The following PCLO variants were observed in gnomAD, a reference collection of about 807,000 sequenced individuals.
PCLO encodes protein piccolo.
In PCLO, 82 loss-of-function variants were observed where a neutral mutation model predicts 427.5. The ratio of observed to expected loss-of-function variants is 0.19; its 90% confidence interval spans 0.16 to 0.23. PCLO has a LOEUF of 0.23. PCLO is among the 10% of genes least tolerant of loss of function. PCLO has a pLI of 1.00. For synonymous variants in PCLO, 2,357 were observed against 2,155.4 expected, an observed-to-expected ratio of 1.09 and a Z score of -2.59; for missense variants, 6,239 against 6,115.9, an observed-to-expected ratio of 1.02 and a Z score of -0.67.
intron 3 of PCLO, among the ~76,000 whole-genome samples, chr7:83,114,848 C>T (rs954530352): frequency 4.6e-5 from 7 of 151,970 alleles, no homozygotes; most frequent in Admixed American, 4.6e-4. Context: ...AGTCATGAAA[C>T]CTATTCAATC....
chr7:82,902,684 T>C lies in PCLO; in HGVS notation c.13495A>G (p.Ile4499Val), dbSNP rs182078347. 3.4e-4 allele frequency: 546 copies of C among 1,599,600 alleles called. 12 individuals carry two copies. The Admixed American group carries it at 8.4e-3, about 24-fold the overall frequency. The change falls in exon 9 of 25, where the codon ATA becomes GTA. Residue 4499 changes from isoleucine (I) to valine (V), a missense_variant. This residue lies in a region of PCLO where 877 missense variants were observed against 925.5 expected (regional missense o/e 0.95). Transcript: ENST00000333891. ...GTGTGATCCTTTGAGTCTCTTGTTATTTTTATCCTTGCGTGAGGAAAGATG... is the reference window on the plus strand; with the variant it reads ...GTGTGATCCTTTGAGTCTCTTGTTACTTTTATCCTTGCGTGAGGAAAGATG... ...HYIFPHARIK[I>V]TRDSKDHTVS... is the part of the protein sequence containing the mutation.
At chr7:82,771,401 TAA>T (rs984089507) in intron 22 of PCLO, among the ~76,000 whole-genome samples, 2 of 151,340 alleles carry the variant, frequency 1.3e-5, no homozygotes, top group African/African-American at 4.8e-5. Flanking sequence ...GGTTTTCAAG[TAA>T]AAAAAAATTT....
chr7:82,784,272 C>A (rs559837395), intron 22 of PCLO, among the ~76,000 whole-genome samples: 1 of 152,208 alleles, frequency 6.6e-6, no homozygotes, highest in East Asian at 1.9e-4. Context: ...ACCTACCATT[C>A]TCTCCACTGC....
chr7:82,827,535 T>C lies in PCLO; in HGVS notation c.14343+338A>G, dbSNP rs535612073. Reference sequence around the variant, plus strand: ...TGTATTGTGTATGAAAGTCAAAATATAGCCAGTTGGAAAATGTGTTTCTCT... The same window carrying C: ...TGTATTGTGTATGAAAGTCAAAATACAGCCAGTTGGAAAATGTGTTTCTCT... On this transcript the variant is annotated intron_variant, in intron 17 of 24. Transcript: ENST00000333891. Among the ~76,000 whole-genome samples, 98 of 152,178 alleles carry C rather than the reference T, an allele frequency of 6.4e-4. 1 individual carries two copies. In the South Asian group the frequency reaches 0.02, roughly 31 times the overall value.
At chr7:82,867,662 A>G (rs141126964) in intron 10 of PCLO, among the ~76,000 whole-genome samples, 272 of 152,328 alleles carry the variant, frequency 1.8e-3, no homozygotes, top group Middle Eastern at 3.4e-3. Context: ...TTATGAAGCA[A>G]TATCACTGAA....
intron 3 of PCLO, among the ~76,000 whole-genome samples, chr7:83,096,860 A>T (rs1165645505): frequency 1.2e-5 from 1 of 83,178 alleles, no homozygotes; most frequent in African/African-American, 6.0e-5. Context: ...TATATATAAA[A>T]ATATATTATA....
intron 6 of PCLO, among the ~76,000 whole-genome samples, chr7:82,945,134 GGAGTA>G (rs997625434): frequency 2.0e-4 from 30 of 151,618 alleles, no homozygotes; most frequent in African/African-American, 7.0e-4. Flanking sequence ...TTTTTTCTGT[GGAGTA>G]AAGTGAAAGA....
intron 3 of PCLO, among the ~76,000 whole-genome samples, chr7:82,967,304 T>C (rs1402351431): frequency 1.3e-5 from 2 of 151,108 alleles, no homozygotes; most frequent in African/African-American, 4.9e-5. Flanking sequence ...GCCTCCTGAG[T>C]ACCTGGGATT....
intron 3 of PCLO, among the ~76,000 whole-genome samples, chr7:83,080,124 A>G (rs1790058950): frequency 6.6e-6 from 1 of 152,110 alleles, no homozygotes; most frequent in Non-Finnish European, 1.5e-5. Context: ...TCTATCATTG[A>G]TGGGCATTTG....
intron 13 of PCLO, among the ~76,000 whole-genome samples, chr7:82,845,029 C>T (rs1220015090): frequency 1.3e-5 from 2 of 152,006 alleles, no homozygotes; most frequent in African/African-American, 4.8e-5. Flanking sequence ...GTATCAGAGA[C>T]ATTTTTCAAG....
chr7:83,078,841 C>T (rs1790024881), intron 3 of PCLO, among the ~76,000 whole-genome samples: 1 of 151,990 alleles, frequency 6.6e-6, no homozygotes, highest in Admixed American at 6.6e-5. Context: ...TGGCCACTAG[C>T]ATTAATTATT....
At chr7:82,934,515 A>G (rs1794907676) in intron 6 of PCLO, among the ~76,000 whole-genome samples, 1 of 151,858 alleles carries the variant, frequency 6.6e-6, no homozygotes, top group Non-Finnish European at 1.5e-5. Flanking sequence ...TAAGATGAAA[A>G]CATATGATAA....
chr7:82,975,948 C>A lies in PCLO; in HGVS notation c.3301-9461G>T, dbSNP rs115351067. Among the ~76,000 whole-genome samples the A allele has an allele frequency of 3.0e-3, 452 of 152,238 alleles. 2 individuals are homozygous for A. Among genetic ancestry groups the A allele is most frequent in the African/African-American group, 0.01 (427 of 41,530 alleles). Reference sequence around the variant, plus strand: ...GTTTCCTGAGGCATTCCCAGGCATGCGGAACTGTGAGTCAATTAAACTTCT... The same window carrying A: ...GTTTCCTGAGGCATTCCCAGGCATGAGGAACTGTGAGTCAATTAAACTTCT... On this transcript the variant is annotated intron_variant, in intron 3 of 24. Coordinates refer to ENST00000333891, the MANE Select transcript of PCLO (RefSeq NM_033026.6).
chr7:83,005,368 G>A (rs192685150), intron 3 of PCLO, among the ~76,000 whole-genome samples: 133 of 151,620 alleles, frequency 8.8e-4, no homozygotes, highest in Non-Finnish European at 1.7e-3. Context: ...TAAAGAAGTC[G>A]AACTCACAGA....
chr7:82,813,200 G>C (rs984078713), intron 20 of PCLO, among the ~76,000 whole-genome samples: 1 of 151,598 alleles, frequency 6.6e-6, no homozygotes, highest in Non-Finnish European at 1.5e-5. Flanking sequence ...GAGGAAGTTT[G>C]GACAGTTATT....
rs1441950482 is a variant in PCLO, at chr7:82,951,394, G to A, written c.9194C>T (p.Thr3065Ile). The A allele has an allele frequency of 3.1e-6, 5 of 1,600,458 alleles. No homozygotes were observed. The highest frequency in any genetic ancestry group is 1.3e-5 in the African/African-American group (1 of 74,744). ...GAGISTPQYS[T>I]ARMTPPPGPQ... ...TCCTGGTGGTGGTGTCATTCTTGCT[G>A]TGGAATACTGTGGGGTACTAATCCC... Residue 3065 changes from threonine (T) to isoleucine (I), a missense_variant, in exon 6 of 25, where the codon ACA (threonine) becomes ATA (isoleucine). Physicochemically the swap from Thr to Ile is moderately conservative, Grantham distance 89 (BLOSUM62 -1). Transcript: ENST00000333891.
Position 82,954,856 on chromosome 7 carries a change from A to G in PCLO, c.6097T>C (p.Ser2033Pro). The change falls in exon 5 of 25, where the codon TCT (serine) becomes CCT (proline). Residue 2033 changes from serine to proline, a missense_variant. By Grantham distance (74) the Ser-to-Pro change is moderately conservative. Around this residue, in one of 5 missense-constraint regions of PCLO, gnomAD observed 4,677 missense variants for 4,468.4 expected, o/e 1.05. Coordinates refer to ENST00000333891, the MANE Select transcript of PCLO (RefSeq NM_033026.6). ...VVPQEDIVSS[S>P]FIIPESHEIV... Reference sequence around the variant, plus strand: ...TCATGGCTTTCTGGGATGATAAAAGAGCTTGAAACAATATCTTCCTGAGGC... The same window carrying G: ...TCATGGCTTTCTGGGATGATAAAAGGGCTTGAAACAATATCTTCCTGAGGC... 1 of 1,613,940 alleles carries G rather than the reference A, an allele frequency of 6.2e-7. No individual in the cohort carries two copies.
At chr7:82,872,562 C>T in intron 10 of PCLO, among the ~76,000 whole-genome samples, 1 of 151,918 alleles carries the variant, frequency 6.6e-6, no homozygotes. Flanking sequence ...TTGAAGAAGC[C>T]ACAGAACATT....
At chr7:83,058,077 A>C (rs1253573188) in intron 3 of PCLO, among the ~76,000 whole-genome samples, 1 of 152,154 alleles carries the variant, frequency 6.6e-6, no homozygotes, top group Admixed American at 6.5e-5. Context: ...GGTCTTTTAA[A>C]AGCTTTCACA....
Sources: gnomAD v4.1 joint callset for allele counts (sites outside exome capture counted in the v4.1 genomes callset) on GRCh38, gnomAD v4.1.1 for gene constraint, gnomAD v4.1.1 regional missense constraint, MANE v1.5 for transcripts, NCBI Gene and HGNC (gene_info 2026-07-23, HGNC 2026-07-21) for gene names.